The following MAPK12 variants were observed in gnomAD, a reference collection of about 807,000 sequenced individuals.
MAPK12 encodes the protein mitogen-activated protein kinase 12.
A neutral mutation model predicts 49.1 loss-of-function variants in MAPK12; 49 were observed. That is an observed-to-expected ratio of 1.00 (90% CI 0.79 to 1.27). The LOEUF is 1.27. Ranked by LOEUF, MAPK12 falls within the 50% of genes most tolerant of loss-of-function variation. The pLI, the probability that MAPK12 is intolerant of heterozygous loss-of-function variation, is 0.00. For missense variants in MAPK12, 554 were observed against 502.4 expected (o/e 1.10, Z -0.98); for synonymous variants, 251 against 209.7 (o/e 1.20, Z -1.70).
At position 50,253,497 on chromosome 22, in the gene MAPK12, G is replaced by GGC; in HGVS notation, c.1025-19_1025-18dup. Reference sequence around the variant, plus strand: ...AAGTAACACCTGGCGGGGGTGGGGGGGCGGGCACAACAGAGAGGGGGGTCA... The same window carrying GGC: ...AAGTAACACCTGGCGGGGGTGGGGGGGCGCGGGCACAACAGAGAGGGGGGTCA... On this transcript the variant is annotated splice_polypyrimidine_tract_variant and intron_variant, in intron 11 of 11. Transcript: ENST00000215659. 2.1e-6 allele frequency: 1 copy of GGC among 476,080 alleles called. No homozygotes were observed. The highest frequency in any genetic ancestry group is 6.1e-5 in the East Asian group (1 of 16,432). The allele number at this position is 476,080 out of a possible 1,614,324, so 29.5% of individuals were successfully genotyped here. A position where few individuals can be genotyped will look rare whatever the true frequency, so the allele number is the denominator to read the frequency against.
In MAPK12 at chr22:50,261,628, C is replaced by T. The variant is rs2065215555; in HGVS notation, c.-119G>A. 2.0e-6 allele frequency: 2 copies of T among 986,490 alleles called. No individual in the cohort carries two copies. The highest frequency in any genetic ancestry group is 2.4e-6 in the Non-Finnish European group (2 of 828,532). 61.1% of individuals were successfully genotyped at this position (986,490 alleles called of 1,614,324 possible). A position where few individuals can be genotyped will look rare whatever the true frequency, so the allele number is the denominator to read the frequency against. ...CCGCGCCGCTCGTCCGCTCGCCCGC[C>T]CGCCCGCCGGCCGCTGGGGCGCTCC... On this transcript the variant is annotated 5_prime_UTR_variant, in exon 1 of 12. Transcript: ENST00000215659.
At position 50,261,459 on chromosome 22, in the gene MAPK12, G is replaced by C. The variant is rs766910915; in HGVS notation, c.51C>G (p.Thr17=). Residue 17 remains threonine (T), a synonymous_variant, in exon 1 of 12, where the codon ACC becomes ACG. Transcript: ENST00000215659. ...ARSGFYRQEV[T]KTAWEVRAVY... ...CGGCGCGCACCTCCCAGGCCGTCTT[G>C]GTCACCTCCTGGCGGTAAAAGCCAC... is the stretch of plus-strand genomic sequence containing the variant. 1.7e-5 allele frequency: 22 copies of C among 1,286,722 alleles called. No homozygotes were observed. The highest frequency in any genetic ancestry group is 2.0e-5 in the Non-Finnish European group (20 of 993,790). The allele number at this position is 1,286,722 out of a possible 1,614,324, so 79.7% of individuals were successfully genotyped here.
intron 11 of MAPK12, chr22:50,254,911 A>C (rs5771280): frequency 7.7e-7 from 1 of 1,305,874 alleles, no homozygotes; most frequent in Non-Finnish European, 9.8e-7. Flanking sequence ...CTTCCCTTCA[A>C]CTTCCAGCTC....
rs2065212193 is a variant in MAPK12, at chr22:50,261,376, C to G, written c.125+9G>C. 3.5e-6 allele frequency: 4 copies of G among 1,158,836 alleles called. No homozygotes were observed. Among genetic ancestry groups the G allele is most frequent in the Non-Finnish European group, 4.3e-6 (4 of 934,988 alleles). The allele number at this position is 1,158,836 out of a possible 1,614,324, so 71.8% of individuals were successfully genotyped here. On this transcript the variant is annotated intron_variant, in intron 1 of 11. Coordinates refer to ENST00000215659, the MANE Select transcript of MAPK12 (RefSeq NM_002969.6). ...GCCCCGCCGGCCGCCCCGCCCGGCCCGCGCTCACCACACCGCGCCGTAGGC... is the reference window on the plus strand; with the variant it reads ...GCCCCGCCGGCCGCCCCGCCCGGCCGGCGCTCACCACACCGCGCCGTAGGC...
intron 11 of MAPK12, 86 bp from the exon 12 acceptor site, chr22:50,253,566 C>T: frequency 5.5e-6 from 4 of 733,140 alleles, no homozygotes; most frequent in Admixed American, 2.0e-5. Flanking sequence ...ACACGCCTGG[C>T]GGTGCCTCGT....
At chr22:50,257,741 C>T (rs567050961) in intron 3 of MAPK12, 12 of 651,818 alleles carry the variant, frequency 1.8e-5, no homozygotes, top group Non-Finnish European at 2.5e-5. Context: ...GCAAGTCAGG[C>T]GGGAGGCGCC....
intron 1 of MAPK12, 35 bp from the exon 2 acceptor site, chr22:50,261,331 A>G (rs1422702694): frequency 1.6e-6 from 2 of 1,239,550 alleles, no homozygotes; most frequent in South Asian, 2.5e-5. Context: ...AAGGCCGGGC[A>G]CCCCGCGCAG....
Position 50,253,041 on chromosome 22 carries a change from C to G in MAPK12, c.*360G>C. The G allele has an allele frequency of 2.8e-6, 1 of 357,500 alleles. No homozygotes were observed. The highest frequency in any genetic ancestry group is 5.4e-6 in the Non-Finnish European group (1 of 186,522). The allele number at this position is 357,500 out of a possible 1,614,324, so 22.1% of individuals were successfully genotyped here. Reference sequence around the variant, plus strand: ...TCCCTGAGTTGGTGCCCTGCGCCCACCCTCTGTCCTTCCTCTGCATGGCCC... The same window carrying G: ...TCCCTGAGTTGGTGCCCTGCGCCCAGCCTCTGTCCTTCCTCTGCATGGCCC... On this transcript the variant is annotated 3_prime_UTR_variant, in exon 12 of 12. Coordinates refer to ENST00000215659, the MANE Select transcript of MAPK12 (RefSeq NM_002969.6).
In MAPK12 at chr22:50,261,608, C is replaced by A; in HGVS notation, c.-99G>T. ...GCGCGCGCCTCGGGCCGGCTCCGCG[C>A]CGCTCGTCCGCTCGCCCGCCCGCCC... On this transcript the variant is annotated 5_prime_UTR_variant, in exon 1 of 12. Coordinates refer to ENST00000215659, the MANE Select transcript of MAPK12 (RefSeq NM_002969.6). 1.0e-6 allele frequency: 1 copy of A among 997,528 alleles called. No homozygotes were observed. Among genetic ancestry groups the A allele is most frequent in the Middle Eastern group, 5.1e-4 (1 of 1,978 alleles). 61.8% of individuals were successfully genotyped at this position (997,528 alleles called of 1,614,324 possible). A position where few individuals can be genotyped will look rare whatever the true frequency, so the allele number is the denominator to read the frequency against.
At chr22:50,257,825 G>A (rs544740568) in intron 3 of MAPK12, 32 of 720,522 alleles carry the variant, frequency 4.4e-5, no homozygotes, top group South Asian at 2.4e-4. Flanking sequence ...CAGGGTGGTC[G>A]GCTGCAGGGC....
At chr22:50,259,816 G>A (rs930452189) in intron 2 of MAPK12, among the ~76,000 whole-genome samples, 2 of 151,834 alleles carry the variant, frequency 1.3e-5, no homozygotes, top group African/African-American at 2.4e-5. Context: ...CCCAGGACGC[G>A]AAGGTTGCAG....
chr22:50,256,146 C>G lies in MAPK12; in HGVS notation c.558G>C (p.Val186=). 1 of 1,612,790 alleles carries G rather than the reference C, an allele frequency of 6.2e-7. No homozygotes were observed. Among genetic ancestry groups the G allele is most frequent in the Middle Eastern group, 1.7e-4 (1 of 6,056 alleles). ...CGGGAGCCCGGTACCACCGGGTCAC[C>G]ACGTACCCAGTCATCTCACTGTCTG... is the stretch of plus-strand genomic sequence containing the variant. ...RQADSEMTGY[V]VTRWYRAPEV... is the part of the protein sequence containing the mutation. Residue 186 remains valine, a synonymous_variant, in exon 7 of 12, where the codon GTG becomes GTC. Transcript: ENST00000215659.
intron 11 of MAPK12, 39 bp downstream of exon 11, chr22:50,255,158 T>A: frequency 6.2e-7 from 1 of 1,609,736 alleles, no homozygotes. Flanking sequence ...AGCCCCCCAC[T>A]TGGGTCCACA....
At chr22:50,258,376 T>TTTC in intron 2 of MAPK12, 75 bp from the exon 3 acceptor site, 1 of 1,279,116 alleles carries the variant, frequency 7.8e-7, no homozygotes, top group African/African-American at 1.5e-5. Flanking sequence ...GGCACAACCC[T>TTTC]CTGGGCAGGA....
chr22:50,256,027 G>A (rs2065146596), intron 7 of MAPK12, 58 bp downstream of exon 7: 3 of 1,545,552 alleles, frequency 1.9e-6, no homozygotes, highest in South Asian at 1.2e-5. Context: ...TGTCCGTGAA[G>A]AAGTGGAGAA....
At chr22:50,255,589 C>A in intron 9 of MAPK12, 26 bp downstream of exon 9, 2 of 1,610,970 alleles carry the variant, frequency 1.2e-6, no homozygotes, top group East Asian at 2.2e-5. Context: ...CCCCCACCCC[C>A]ACCCAGCTCC....
At position 50,255,255 on chromosome 22, in the gene MAPK12, C is replaced by T. The variant is rs1277173170; in HGVS notation, c.966G>A (p.Gln322=). ...ESLHDTEDEP[Q]VQKYDDSFDD... Reference sequence around the variant, plus strand: ...CAAAGGAGTCATCATACTTCTGGACCTGGGGCTCATCTTCCGTGTCGTGCA... The same window carrying T: ...CAAAGGAGTCATCATACTTCTGGACTTGGGGCTCATCTTCCGTGTCGTGCA... Residue 322 remains glutamine (Q), a synonymous_variant, in exon 11 of 12, where the codon CAG becomes CAA. Transcript: ENST00000215659. The T allele has an allele frequency of 6.2e-7, 1 of 1,613,402 alleles. No homozygotes were observed. The highest frequency in any genetic ancestry group is 2.2e-5 in the East Asian group (1 of 44,894).
In MAPK12 at chr22:50,257,086, A is replaced by G. The variant is rs752037553; in HGVS notation, c.422T>C (p.Leu141Pro). Reference sequence around the variant, plus strand: ...AGCCTCCCCCGGGGCCCGTACCCTCAGCCCCTTCAGCATCTGGTACACGAG... The same window carrying G: ...AGCCTCCCCCGGGGCCCGTACCCTCGGCCCCTTCAGCATCTGGTACACGAG... ...QFLVYQMLKG[L>P]RYIHAAGIIH... Residue 141 changes from leucine (L) to proline (P), a missense_variant, in exon 4 of 12, where the codon CTG (leucine) becomes CCG (proline). Leu to Pro is a moderately conservative substitution (Grantham distance 98, BLOSUM62 -3). Transcript: ENST00000215659. 7 of 1,612,048 alleles carry G rather than the reference A, an allele frequency of 4.3e-6. No individual in the cohort carries two copies. The Admixed American group carries it at 5.0e-5, about 12-fold the overall frequency.
At chr22:50,256,681 C>G (rs754781148) in intron 5 of MAPK12, 35 bp from the exon 6 acceptor site, 1 of 1,593,286 alleles carries the variant, frequency 6.3e-7, no homozygotes, top group Non-Finnish European at 8.5e-7. Context: ...CTGTGCCCCA[C>G]CCTCCCAAGC....
Sources: allele counts gnomAD v4.1 joint callset (sites outside exome capture counted in the v4.1 genomes callset), GRCh38; gene constraint gnomAD v4.1.1; transcripts MANE v1.5; gene names NCBI Gene and HGNC (gene_info 2026-07-23, HGNC 2026-07-21).